The following GMNC variants were observed in gnomAD, a reference collection of about 807,000 sequenced individuals.
GMNC encodes geminin coiled-coil domain containing.
In GMNC, 16 loss-of-function variants were observed where a neutral mutation model predicts 33.6. The ratio of observed to expected loss-of-function variants is 0.48; its 90% CI spans 0.32 to 0.72. The LOEUF (loss-of-function observed/expected upper bound fraction) is 0.72. GMNC is among the 30% of genes least tolerant of loss of function. The probability of loss-of-function intolerance (pLI) is 0.03; values close to 1 mark genes in which losing one functional copy is unlikely to be tolerated. For synonymous variants in GMNC, 156 were observed against 147.3 expected (o/e 1.06, Z -0.43); for missense variants, 393 against 388.9 (o/e 1.01, Z -0.09).
At chr3:190,857,428 A>C (rs1365479925) in intron 4 of GMNC, among the ~76,000 whole-genome samples, 2 of 152,104 alleles carry the variant, frequency 1.3e-5, no homozygotes, top group Non-Finnish European at 2.9e-5. Context: ...CTAAAGTCAA[A>C]CAGATCATTA....
the GMNC span, among the ~76,000 whole-genome samples, chr3:190,843,644 A>G: frequency 2.0e-5 from 3 of 152,110 alleles, no homozygotes; most frequent in African/African-American, 7.2e-5. Context: ...TTCTCCCTTC[A>G]CAAAGTTGTA....
the GMNC span, among the ~76,000 whole-genome samples, chr3:190,843,914 ATTAAT>A: frequency 1.3e-5 from 2 of 152,238 alleles, no homozygotes; most frequent in African/African-American, 4.8e-5. Context: ...AAGTCTCAGA[ATTAAT>A]TTAAGTAGTG....
intron 1 of GMNC, 61 bp from the exon 2 acceptor site, chr3:190,860,919 A>C: frequency 5.0e-6 from 6 of 1,192,662 alleles, no homozygotes; most frequent in Non-Finnish European, 5.9e-6. Flanking sequence ...GGAGATTTAG[A>C]AGGGGGAAAG....
intron 4 of GMNC, among the ~76,000 whole-genome samples, chr3:190,856,469 T>TAATTTA (rs1737748730): frequency 7.1e-6 from 1 of 140,280 alleles, no homozygotes; most frequent in African/African-American, 2.8e-5. Context: ...GAATAAATAT[T>TAATTTA]TATAAATAAA....
In GMNC at chr3:190,861,466, CTATCT is replaced by C. The variant is rs1560038760; in HGVS notation, c.4-613_4-609del. On this transcript the variant is annotated intron_variant, in intron 1 of 4. Transcript: ENST00000442080. This position sits in a 1 kb window ranked among gnomAD's most constrained non-coding sequence, Gnocchi z 5.1. ...GTCTGTCTGCCTATCATCTATCTATCTATCTATCTATCTATCTATCTATCTATCTA... is the reference window on the plus strand; with the variant it reads ...GTCTGTCTGCCTATCATCTATCTATCATCTATCTATCTATCTATCTATCTA... 1.6e-3 allele frequency among the ~76,000 whole-genome samples: 244 copies of C among 148,072 alleles called. No individual in the cohort carries two copies. Among genetic ancestry groups the C allele is most frequent in the South Asian group, 6.5e-3 (29 of 4,476 alleles).
At chr3:190,848,368 T>C (rs925202291), downstream of GMNC, among the ~76,000 whole-genome samples, 1 of 152,212 alleles carries the variant, frequency 6.6e-6, no homozygotes, top group Non-Finnish European at 1.5e-5. Flanking sequence ...GAGCTTTTTG[T>C]TCTACCTCTA....
the GMNC span, among the ~76,000 whole-genome samples, chr3:190,847,219 G>A: frequency 3.3e-5 from 5 of 152,170 alleles, no homozygotes; most frequent in Admixed American, 6.5e-5. Context: ...AATAACCTAG[G>A]GTTGTATCTA....
At chr3:190,848,787 T>G (rs764012358), downstream of GMNC, among the ~76,000 whole-genome samples, 7 of 152,234 alleles carry the variant, frequency 4.6e-5, no homozygotes, top group Non-Finnish European at 5.9e-5. Context: ...CCATTTTAGA[T>G]GTGGATACAC....
chr3:190,859,899 T>C (rs538433355), intron 2 of GMNC: 1 of 424,878 alleles, frequency 2.4e-6, no homozygotes, highest in South Asian at 1.7e-5. Flanking sequence ...GTTCACATTC[T>C]TGGGCATTTT....
intron 3 of GMNC, 56 bp downstream of exon 3, chr3:190,858,872 G>T: frequency 1.0e-6 from 1 of 1,002,708 alleles, no homozygotes. Flanking sequence ...GATATTAGCA[G>T]TGGGGAATGG....
chr3:190,856,382 T>C (rs1316601682), intron 4 of GMNC, among the ~76,000 whole-genome samples: 2 of 140,966 alleles, frequency 1.4e-5, no homozygotes, highest in Non-Finnish European at 3.0e-5. Flanking sequence ...GAAATAGATA[T>C]ATTTATAAAT....
At chr3:190,847,721 T>C in the GMNC span, among the ~76,000 whole-genome samples, 1,584 of 152,210 alleles carry the variant, frequency 0.01, 27 homozygotes, top group African/African-American at 0.037. Flanking sequence ...CTTGCATACC[T>C]CCATTTGCCT....
chr3:190,847,026 A>G, the GMNC span, among the ~76,000 whole-genome samples: 1 of 152,186 alleles, frequency 6.6e-6, no homozygotes, highest in Non-Finnish European at 1.5e-5. Context: ...TTCTTGACAT[A>G]CTTTATTTTT....
chr3:190,851,989 C>T (rs530609389), downstream of GMNC, among the ~76,000 whole-genome samples: 32 of 149,228 alleles, frequency 2.1e-4, 1 homozygote, highest in South Asian at 4.7e-3. Flanking sequence ...GTTTATAGAA[C>T]AAAAAACAGA....
At position 190,855,600 on chromosome 3, in the gene GMNC, T is replaced by C. The variant is rs1002625764; in HGVS notation, c.700A>G (p.Lys234Glu). 4 of 1,551,500 alleles carry C rather than the reference T, an allele frequency of 2.6e-6. No individual in the cohort carries two copies. The African/African-American group carries it at 4.1e-5, about 16-fold the overall frequency. ...SQFPDDAVDY[K>E]NIPREDMPID... ...GGCATATCCTCTCTGGGGATATTTTTATAATCAACTGCATCATCCGGAAAC... is the reference window on the plus strand; with the variant it reads ...GGCATATCCTCTCTGGGGATATTTTCATAATCAACTGCATCATCCGGAAAC... Residue 234 changes from lysine to glutamate, a missense_variant, in exon 5 of 5, where the codon AAA (lysine) becomes GAA (glutamate). Lys to Glu is a moderately conservative substitution (Grantham distance 56). Coordinates refer to ENST00000442080, the MANE Select transcript of GMNC (RefSeq NM_001146686.3).
At position 190,855,254 on chromosome 3, in the gene GMNC, A is replaced by G; in HGVS notation, c.*41T>C. 6.5e-7 allele frequency: 1 copy of G among 1,535,452 alleles called. No homozygotes were observed. Among genetic ancestry groups the G allele is most frequent in the Non-Finnish European group, 8.8e-7 (1 of 1,137,368 alleles). ...TTCAAGTGCAAGAGAGGTCTTTGTA[A>G]ACAGAGTTCGTGGCAGTGCTTTGTG... On this transcript the variant is annotated 3_prime_UTR_variant, in exon 5 of 5. Transcript: ENST00000442080.
At chr3:190,851,456 C>T (rs1471940914), downstream of GMNC, among the ~76,000 whole-genome samples, 2 of 152,154 alleles carry the variant, frequency 1.3e-5, no homozygotes, top group African/African-American at 2.4e-5. Flanking sequence ...CACATAGATC[C>T]AACTATACTG....
At chr3:190,849,671 G>A (rs977049559), downstream of GMNC, among the ~76,000 whole-genome samples, 2 of 152,158 alleles carry the variant, frequency 1.3e-5, no homozygotes, top group Non-Finnish European at 2.9e-5. Flanking sequence ...TATTATTTCA[G>A]ATTATAAACT....
At chr3:190,846,557 T>A in the GMNC span, among the ~76,000 whole-genome samples, 1 of 152,220 alleles carries the variant, frequency 6.6e-6, no homozygotes, top group Non-Finnish European at 1.5e-5. Flanking sequence ...AAATTTAAAG[T>A]TGTAGGCTTT....
Sources: gnomAD v4.1 joint callset for allele counts (sites outside exome capture counted in the v4.1 genomes callset) on GRCh38, gnomAD v4.1.1 for gene constraint, Gnocchi (gnomAD v3.1) non-coding constraint, MANE v1.5 for transcripts, NCBI Gene and HGNC (gene_info 2026-07-23, HGNC 2026-07-21) for gene names.